NPAS3: variants seen among roughly 807,000 people sequenced by gnomAD.
NPAS3 encodes the protein neuronal PAS domain-containing protein 3.
In NPAS3, 14 loss-of-function variants were observed where a neutral mutation model predicts 73.1. That is an observed-to-expected ratio of 0.19 (90% CI 0.13 to 0.30). The LOEUF (loss-of-function observed/expected upper bound fraction) is 0.30, where lower values mean the gene tolerates loss of function less well. Among genes scored for constraint, NPAS3 ranks in the 10% least tolerant of loss-of-function variants. The probability of loss-of-function intolerance (pLI) is 1.00; values close to 1 mark genes in which losing one functional copy is unlikely to be tolerated. For synonymous variants in NPAS3, 620 were observed against 541.5 expected (o/e 1.14, Z -2.01); for missense variants, 1,096 against 1,250.0 (o/e 0.88, Z 1.86).
chr14:33,581,432 T>A (rs529141660), intron 5 of NPAS3, among the ~76,000 whole-genome samples: 2 of 152,278 alleles, frequency 1.3e-5, no homozygotes, highest in East Asian at 3.9e-4. Context: ...TGACAGAAAA[T>A]ACCACCTCCA....
At chr14:33,128,643 A>C (rs2043521625) in intron 2 of NPAS3, among the ~76,000 whole-genome samples, 2 of 152,168 alleles carry the variant, frequency 1.3e-5, no homozygotes, top group South Asian at 2.1e-4. Flanking sequence ...TGAGTGGTAG[A>C]TGAGTTTTTG....
chr14:33,125,180 A>G, intron 2 of NPAS3, among the ~76,000 whole-genome samples: 1 of 152,102 alleles, frequency 6.6e-6, no homozygotes, highest in Admixed American at 6.6e-5. Flanking sequence ...TACATTATTT[A>G]ATGAATTCAT....
chr14:33,319,750 C>T (rs944402562), intron 3 of NPAS3, among the ~76,000 whole-genome samples: 6 of 152,098 alleles, frequency 3.9e-5, no homozygotes, highest in Non-Finnish European at 5.9e-5. Flanking sequence ...GACAACCTCC[C>T]GCAAAGCTCC....
intron 1 of NPAS3, among the ~76,000 whole-genome samples, chr14:33,055,088 T>C (rs896876257): frequency 6.6e-6 from 1 of 152,206 alleles, no homozygotes; most frequent in African/African-American, 2.4e-5. Context: ...TGACATTACT[T>C]TCCTCTAAAT....
intron 3 of NPAS3, among the ~76,000 whole-genome samples, chr14:33,307,497 A>G (rs1277365744): frequency 6.6e-6 from 1 of 152,024 alleles, no homozygotes; most frequent in Non-Finnish European, 1.5e-5. Context: ...GAGCAAATGC[A>G]TGCTACAGAA....
At chr14:33,669,464 GA>G (rs1471224038) in intron 5 of NPAS3, among the ~76,000 whole-genome samples, 1 of 152,100 alleles carries the variant, frequency 6.6e-6, no homozygotes, top group Non-Finnish European at 1.5e-5. Flanking sequence ...TCTTTTAACT[GA>G]TGTCTCTTAA....
intron 2 of NPAS3, among the ~76,000 whole-genome samples, chr14:33,153,576 G>C (rs527598826): frequency 6.6e-6 from 1 of 152,184 alleles, no homozygotes; most frequent in South Asian, 2.1e-4. Context: ...CCTTAGTCCA[G>C]AGAGCTCCTG....
intron 4 of NPAS3, among the ~76,000 whole-genome samples, chr14:33,463,829 A>T (rs924652574): frequency 4.6e-5 from 7 of 152,196 alleles, no homozygotes; most frequent in Non-Finnish European, 1.5e-5. Flanking sequence ...CGCCACAGTG[A>T]TGTGAGGTGA....
intron 1 of NPAS3, among the ~76,000 whole-genome samples, chr14:32,973,174 C>T (rs1441496074): frequency 6.6e-6 from 1 of 152,164 alleles, no homozygotes; most frequent in African/African-American, 2.4e-5. Flanking sequence ...AAAGAGAAGA[C>T]TCTACATAAA....
rs536278391 is a variant in NPAS3, at chr14:33,672,379, AT to A, written c.559-3823del. 6.6e-5 allele frequency among the ~76,000 whole-genome samples: 10 copies of A among 152,004 alleles called. No individual in the cohort carries two copies. The South Asian group carries it at 8.3e-4, about 13-fold the overall frequency. ...TCCAAATCAAGTACAAGTAAAAGAA[AT>A]TTTTTTTTCAGGCGCAAATATCCGT... On this transcript the variant is annotated intron_variant, in intron 5 of 11. Coordinates refer to ENST00000356141, the Ensembl canonical transcript of NPAS3.
At chr14:33,436,460 T>G (rs1469660611) in intron 4 of NPAS3, among the ~76,000 whole-genome samples, 1 of 152,210 alleles carries the variant, frequency 6.6e-6, no homozygotes. Context: ...CATGTACACA[T>G]CAGTGTGCTA....
chr14:33,326,163 T>A (rs1263509464), intron 3 of NPAS3, among the ~76,000 whole-genome samples: 1 of 151,440 alleles, frequency 6.6e-6, no homozygotes, highest in South Asian at 2.1e-4. Context: ...GAAGAGAGAG[T>A]GAGAAACAAT....
At chr14:33,784,741 A>ATTTATTTTTTTT (rs2063100726) in intron 9 of NPAS3, among the ~76,000 whole-genome samples, 2 of 72,762 alleles carry the variant, frequency 2.7e-5, no homozygotes, top group African/African-American at 6.9e-5. Context: ...TTATTTATTT[A>ATTTATTTTTTTT]TTTATTTTTT....
At chr14:33,788,036 G>T (rs1020896050) in intron 9 of NPAS3, among the ~76,000 whole-genome samples, 1 of 152,200 alleles carries the variant, frequency 6.6e-6, no homozygotes, top group Non-Finnish European at 1.5e-5. Flanking sequence ...TGGGCCTTAG[G>T]TGGAGAAGCA....
chr14:32,965,478 T>C (rs2037112883), intron 1 of NPAS3, among the ~76,000 whole-genome samples: 1 of 152,176 alleles, frequency 6.6e-6, no homozygotes, highest in African/African-American at 2.4e-5. Flanking sequence ...TCTCAATAGA[T>C]GAAGAAAAAT....
chr14:32,946,148 G>A (rs1566788241), intron 1 of NPAS3, among the ~76,000 whole-genome samples: 1 of 152,046 alleles, frequency 6.6e-6, no homozygotes, highest in Admixed American at 6.6e-5. Flanking sequence ...GTACAAGTTG[G>A]CCTCCTGCCA....
At chr14:33,062,422 C>T (rs925991504) in intron 2 of NPAS3, among the ~76,000 whole-genome samples, 2 of 152,186 alleles carry the variant, frequency 1.3e-5, no homozygotes, top group Admixed American at 6.5e-5. Context: ...TCTGCAAACT[C>T]ATTGCTTTTC....
At chr14:33,206,106 T>G (rs2046812317) in intron 2 of NPAS3, among the ~76,000 whole-genome samples, 1 of 152,134 alleles carries the variant, frequency 6.6e-6, no homozygotes, top group Non-Finnish European at 1.5e-5. Context: ...ATTATGAAAT[T>G]TATATGGGTG....
chr14:33,145,406 T>G (rs912275823), intron 2 of NPAS3, among the ~76,000 whole-genome samples: 1 of 152,218 alleles, frequency 6.6e-6, no homozygotes, highest in African/African-American at 2.4e-5. Flanking sequence ...TCCTTTGATT[T>G]GAAACCTTTT....
Sources: allele counts gnomAD v4.1 joint callset (sites outside exome capture counted in the v4.1 genomes callset), GRCh38; gene constraint gnomAD v4.1.1; transcripts MANE v1.5; gene names NCBI Gene and HGNC (gene_info 2026-07-23, HGNC 2026-07-21).